NAALADL2: variants seen among roughly 807,000 people sequenced by gnomAD.
The protein encoded by NAALADL2 is N-acetylated alpha-linked acidic dipeptidase like 2.
NAALADL2 carries 76 observed loss-of-function variants against 87.2 expected under a neutral mutation model. The ratio of observed to expected loss-of-function variants is 0.87; its 90% CI spans 0.72 to 1.05. NAALADL2 has a LOEUF of 1.05. Ranked by LOEUF, NAALADL2 falls within the 50% of genes least tolerant of loss-of-function variation. NAALADL2 has a pLI of 0.00. For missense variants in NAALADL2, 1,089 were observed against 945.8 expected, an observed-to-expected ratio of 1.15 and a Z score of -1.99; for synonymous variants, 354 against 331.0, an observed-to-expected ratio of 1.07 and a Z score of -0.75.
At chr3:175,010,129 TCTA>T (rs138516341) in intron 1 of NAALADL2, among the ~76,000 whole-genome samples, 2,128 of 152,190 alleles carry the variant, frequency 0.014, 35 homozygotes, top group African/African-American at 0.049. Flanking sequence ...ATTATTATAA[TCTA>T]ATATTATATA....
chr3:174,793,933 C>T (rs1465722423), intron 3 of NAALADL2, among the ~76,000 whole-genome samples: 2 of 151,728 alleles, frequency 1.3e-5, no homozygotes, highest in Admixed American at 6.6e-5. Context: ...TTCTTTTATC[C>T]TTGAAGAAAT....
chr3:174,889,858 A>C (rs972851262), intron 1 of NAALADL2, among the ~76,000 whole-genome samples: 3 of 152,214 alleles, frequency 2.0e-5, no homozygotes, highest in African/African-American at 7.2e-5. Context: ...CAGTCTTCTT[A>C]ATGCTAAAGC....
At chr3:174,706,505 G>C (rs1341894223) in intron 2 of NAALADL2, among the ~76,000 whole-genome samples, 1 of 152,086 alleles carries the variant, frequency 6.6e-6, no homozygotes, top group African/African-American at 2.4e-5. Context: ...ACTCATGAAA[G>C]TAAAAAAGCT....
intron 1 of NAALADL2, among the ~76,000 whole-genome samples, chr3:174,861,537 C>T (rs550386176): frequency 8.0e-4 from 121 of 152,150 alleles, no homozygotes; most frequent in Non-Finnish European, 1.6e-3. Context: ...CACTTACAAA[C>T]GGATGTTCTT....
Position 175,467,073 on chromosome 3 carries a change from C to T in NAALADL2, c.1422C>T (p.Ile474=), listed in dbSNP as rs759667216. 12 of 1,613,680 alleles carry T rather than the reference C, an allele frequency of 7.4e-6. No individual in the cohort carries two copies. In the East Asian group the frequency reaches 2.7e-4, roughly 36 times the overall value. Residue 474 remains isoleucine, a synonymous_variant, in exon 8 of 14, where the codon ATC becomes ATT. Coordinates refer to ENST00000454872, the MANE Select transcript of NAALADL2 (RefSeq NM_207015.3). ...GTACTGCAATAATCACAGCGTTTAT[C>T]CGTGCCTTGATGTCAAAAGTTAAGA... is the stretch of plus-strand genomic sequence containing the variant. The part of the protein sequence containing the change: ...ASSTAIITAF[I]RALMSKVKRG...
At chr3:175,749,327 G>A (rs2150119586) in intron 12 of NAALADL2, among the ~76,000 whole-genome samples, 1 of 152,186 alleles carries the variant, frequency 6.6e-6, no homozygotes, top group Non-Finnish European at 1.5e-5. Flanking sequence ...ATGCTAAGTT[G>A]AAACTAATTG....
intron 1 of NAALADL2, among the ~76,000 whole-genome samples, chr3:174,549,306 T>C (rs939235474): frequency 6.6e-6 from 1 of 152,208 alleles, no homozygotes; most frequent in South Asian, 2.1e-4. Flanking sequence ...GGAGTTGTTA[T>C]AAGATATGTG....
At chr3:175,657,809 C>G (rs1469397308) in intron 11 of NAALADL2, among the ~76,000 whole-genome samples, 1 of 151,880 alleles carries the variant, frequency 6.6e-6, no homozygotes, top group Non-Finnish European at 1.5e-5. Context: ...TATTCCTGAC[C>G]TCGTGATCCG....
intron 2 of NAALADL2, among the ~76,000 whole-genome samples, chr3:175,118,298 T>G (rs1725602382): frequency 6.6e-6 from 1 of 151,792 alleles, no homozygotes; most frequent in Non-Finnish European, 1.5e-5. Context: ...TAGCTCAAAA[T>G]GTTCCTCTAA....
chr3:174,652,316 T>C (rs1724444721), intron 2 of NAALADL2, among the ~76,000 whole-genome samples: 1 of 152,194 alleles, frequency 6.6e-6, no homozygotes, highest in African/African-American at 2.4e-5. Context: ...TTGTTATTCA[T>C]AAAGTTTTCT....
intron 1 of NAALADL2, among the ~76,000 whole-genome samples, chr3:174,505,106 T>G (rs1719121044): frequency 6.6e-6 from 1 of 152,188 alleles, no homozygotes; most frequent in South Asian, 2.1e-4. Context: ...TTATGTATCT[T>G]CAGCTGATAA....
rs148725615 is a variant in NAALADL2, at chr3:175,458,823, G to C, written c.1235-4578G>C. Among the ~76,000 whole-genome samples the C allele has an allele frequency of 2.3e-4, 35 of 152,154 alleles. No homozygotes were observed. In the East Asian group the frequency reaches 6.0e-3, roughly 26 times the overall value. ...CTATTCACTCTATATCAAATGTTCT[G>C]TCTGCCCCTACCACAATGTGGTTAA... is the stretch of plus-strand genomic sequence containing the variant. On this transcript the variant is annotated intron_variant, in intron 6 of 13. Transcript: ENST00000454872.
At chr3:174,485,769 T>C (rs536441224) in intron 1 of NAALADL2, among the ~76,000 whole-genome samples, 6 of 152,034 alleles carry the variant, frequency 3.9e-5, no homozygotes, top group African/African-American at 7.2e-5. Flanking sequence ...AATGCATGCA[T>C]GTGTTCATGA....
intron 5 of NAALADL2, among the ~76,000 whole-genome samples, chr3:175,404,927 A>G (rs1712039369): frequency 6.6e-6 from 1 of 152,190 alleles, no homozygotes; most frequent in Admixed American, 6.5e-5. Context: ...TGTTTCCAGG[A>G]AAATATTTTA....
chr3:175,208,792 T>A (rs1331193153), intron 2 of NAALADL2, among the ~76,000 whole-genome samples: 1 of 152,194 alleles, frequency 6.6e-6, no homozygotes, highest in Non-Finnish European at 1.5e-5. Context: ...ACAAGTTTAA[T>A]AGATAATATT....
At chr3:174,664,369 A>AG (rs1725776415) in intron 2 of NAALADL2, among the ~76,000 whole-genome samples, 1 of 152,206 alleles carries the variant, frequency 6.6e-6, no homozygotes, top group South Asian at 2.1e-4. Flanking sequence ...CTAAACAAAT[A>AG]GTCTCACATT....
At chr3:175,684,702 C>CTGAG (rs1736032149) in intron 11 of NAALADL2, among the ~76,000 whole-genome samples, 1 of 151,974 alleles carries the variant, frequency 6.6e-6, no homozygotes, top group Non-Finnish European at 1.5e-5. Context: ...ACTCGGGAGG[C>CTGAG]TGAGGGAAGA....
rs554710719 is a variant in NAALADL2 at position 175,362,548 on chromosome 3, A to G, written c.1090+38223A>G. Among the ~76,000 whole-genome samples, 16 of 148,010 alleles carry G rather than the reference A, an allele frequency of 1.1e-4. 3 individuals are homozygous for G. The South Asian group carries it at 2.9e-3, about 27-fold the overall frequency. Reference sequence around the variant, plus strand: ...TGTATCCTCTTTTATTTCGTTAAGCACTATATATCACAATATCTTTATCCA... The same window carrying G: ...TGTATCCTCTTTTATTTCGTTAAGCGCTATATATCACAATATCTTTATCCA... On this transcript the variant is annotated intron_variant, in intron 5 of 13. Transcript: ENST00000454872.
chr3:175,705,667 TTG>T (rs996256709), intron 11 of NAALADL2, among the ~76,000 whole-genome samples: 1 of 152,144 alleles, frequency 6.6e-6, no homozygotes, highest in African/African-American at 2.4e-5. Flanking sequence ...CACAACCATT[TTG>T]TGAGTTAAAT....
Sources: allele counts gnomAD v4.1 joint callset (sites outside exome capture counted in the v4.1 genomes callset), GRCh38; gene constraint gnomAD v4.1.1; transcripts MANE v1.5; gene names NCBI Gene and HGNC (gene_info 2026-07-23, HGNC 2026-07-21).